Variants in BAHD1 observed in about 807,000 individuals in gnomAD.
The protein encoded by BAHD1 is bromo adjacent homology domain containing 1, also known as bromo adjacent homology domain-containing 1 protein.
In BAHD1, 20 loss-of-function variants were observed where a neutral mutation model predicts 63.1. That is an observed-to-expected ratio of 0.32 (90% confidence interval 0.22 to 0.46). The LOEUF is 0.46. Ranked by LOEUF, BAHD1 falls within the 20% of genes least tolerant of loss-of-function variation. The pLI is 1.00. For synonymous variants in BAHD1, 408 were observed against 426.8 expected, an observed-to-expected ratio of 0.96 and a Z score of 0.54; for missense variants, 939 against 1,071.8, an observed-to-expected ratio of 0.88 and a Z score of 1.73.
At chr15:40,465,545 C>A in intron 6 of BAHD1, 110 bp downstream of exon 6, 1 of 823,756 alleles carries the variant, frequency 1.2e-6, no homozygotes, top group Non-Finnish European at 2.0e-6. Flanking sequence ...TCTACCTGAT[C>A]TTACTCACTG....
At chr15:40,443,528 T>C (rs933539060) in intron 1 of BAHD1, among the ~76,000 whole-genome samples, 2 of 152,138 alleles carry the variant, frequency 1.3e-5, no homozygotes, top group Admixed American at 6.5e-5. Context: ...CAAATAGCAT[T>C]TCCCTCTTTG....
chr15:40,439,492 C>A (rs900712593), upstream of BAHD1, among the ~76,000 whole-genome samples: 3 of 152,214 alleles, frequency 2.0e-5, no homozygotes, highest in Non-Finnish European at 4.4e-5. Context: ...CCCTCCGAAG[C>A]CCCTGGGCCA....
intron 6 of BAHD1, 101 bp downstream of exon 6, chr15:40,465,536 C>G: frequency 1.1e-6 from 1 of 882,758 alleles, no homozygotes; most frequent in South Asian, 1.5e-5. Context: ...ATTCTGCTCT[C>G]TACCTGATCT....
chr15:40,466,266 G>C lies in BAHD1; in HGVS notation c.*136G>C. The C allele has an allele frequency of 4.4e-5, 29 of 654,602 alleles. No homozygotes were observed. Among genetic ancestry groups the C allele is most frequent in the Non-Finnish European group, 3.8e-5 (16 of 416,256 alleles). The allele number at this position is 654,602 out of a possible 1,614,324, so 40.5% of individuals were successfully genotyped here. On this transcript the variant is annotated 3_prime_UTR_variant, in exon 7 of 7. Transcript: ENST00000416165. ...GCCTGTGGTTTTCTTGGGGGGGAGG[G>C]CAGGGGCCCCTGTGGGTTCTGGGCT...
rs529114671 is a variant in BAHD1 at position 40,466,256 on chromosome 15, G to T, written c.*126G>T. ...AAGTTTGCTGGCCTGTGGTTTTCTT[G>T]GGGGGGAGGGCAGGGGCCCCTGTGG... is the stretch of plus-strand genomic sequence containing the variant. On this transcript the variant is annotated 3_prime_UTR_variant, in exon 7 of 7. Coordinates refer to ENST00000416165, the MANE Select transcript of BAHD1 (RefSeq NM_014952.5). 1.3e-5 allele frequency: 11 copies of T among 865,852 alleles called. No individual in the cohort carries two copies. The highest frequency in any genetic ancestry group is 5.7e-5 in the African/African-American group (3 of 52,402). 53.6% of individuals were successfully genotyped at this position (865,852 alleles called of 1,614,324 possible).
chr15:40,438,106 A>G (rs141014161), upstream of BAHD1, among the ~76,000 whole-genome samples: 104 of 152,320 alleles, frequency 6.8e-4, no homozygotes, highest in East Asian at 0.018. Flanking sequence ...GCTGCCAAAC[A>G]TACCAGGGAG....
At chr15:40,447,604 AAATAAAT>A (rs1156897108) in intron 1 of BAHD1, among the ~76,000 whole-genome samples, 4 of 110,774 alleles carry the variant, frequency 3.6e-5, no homozygotes, top group South Asian at 3.2e-4. Context: ...ATAAATAAAT[AAATAAAT>A]AAAAATAAAA....
rs566188832 is a variant in BAHD1 at position 40,459,442 on chromosome 15, G to A, written c.978G>A (p.Pro326=). 42 of 1,613,456 alleles carry A rather than the reference G, an allele frequency of 2.6e-5. No homozygotes were observed. The highest frequency in any genetic ancestry group is 3.3e-4 in the Middle Eastern group (2 of 6,062). Residue 326 remains proline, a synonymous_variant, in exon 2 of 7, where the codon CCG becomes CCA. Coordinates refer to ENST00000416165, the MANE Select transcript of BAHD1 (RefSeq NM_014952.5). ...TGGGTGGACAGGCGGCTCTGAAGCC[G>A]GAGCCTGGGCGCCCAGGCGAGGAGT... ...LLMGGQAALK[P]EPGRPGEESP...
Position 40,462,009 on chromosome 15 carries a change from T to A in BAHD1, c.1530T>A (p.Ser510Arg). 6.2e-7 allele frequency: 1 copy of A among 1,613,788 alleles called. No individual in the cohort carries two copies. Among genetic ancestry groups the A allele is most frequent in the Non-Finnish European group, 8.5e-7 (1 of 1,179,976 alleles). Reference sequence around the variant, plus strand: ...CACTCCTGGGGTGCCCTGTACCCAGTGTGCCACCTGCAGCAGAGCCCGTCC... The same window carrying A: ...CACTCCTGGGGTGCCCTGTACCCAGAGTGCCACCTGCAGCAGAGCCCGTCC... ...AHPLLGCPVP[S>R]VPPAAEPVPH... is the part of the protein sequence containing the mutation. Residue 510 changes from serine to arginine, a missense_variant, in exon 3 of 7, where the codon AGT becomes AGA. Ser to Arg is a moderately radical substitution (Grantham distance 110, BLOSUM62 -1). This residue lies in a region of BAHD1 where 797 missense variants were observed against 813.3 expected (regional missense o/e 0.98). Transcript: ENST00000416165.
At chr15:40,465,838 A>G (rs1012277649) in intron 6 of BAHD1, 103 bp from the exon 7 acceptor site, 90 of 1,230,254 alleles carry the variant, frequency 7.3e-5, no homozygotes, top group Middle Eastern at 2.2e-4. Context: ...TTGGGGAGCT[A>G]GGATAGCCTA....
chr15:40,442,246 C>G (rs1893424615), intron 1 of BAHD1, among the ~76,000 whole-genome samples: 1 of 151,848 alleles, frequency 6.6e-6, no homozygotes, highest in South Asian at 2.1e-4. Flanking sequence ...GGAGCGGGTC[C>G]GAGGCACCCA....
chr15:40,462,648 A>G (rs1894086696), intron 3 of BAHD1, among the ~76,000 whole-genome samples: 1 of 152,122 alleles, frequency 6.6e-6, no homozygotes, highest in African/African-American at 2.4e-5. Flanking sequence ...AAGTCTATAT[A>G]GGGGGCGTTG....
rs749400262 is a variant in BAHD1, at chr15:40,459,792, A to G, written c.1328A>G (p.Asp443Gly). ...WGSSRYCSSE[D>G]TGVNGYSICG... ...TCCTCTCGCTACTGCTCTAGCGAGG[A>G]CACTGGAGTGAATGGCTACAGCATC... Residue 443 changes from aspartate to glycine, a missense_variant, in exon 2 of 7, where the codon GAC becomes GGC. Around this residue, in one of 5 missense-constraint regions of BAHD1, gnomAD observed 797 missense variants for 813.3 expected, o/e 0.98. Transcript: ENST00000416165. 3.1e-6 allele frequency: 5 copies of G among 1,613,774 alleles called. No homozygotes were observed. The South Asian group carries it at 5.5e-5, about 18-fold the overall frequency.
intron 1 of BAHD1, among the ~76,000 whole-genome samples, chr15:40,448,025 C>T (rs762666955): frequency 2.0e-5 from 3 of 152,050 alleles, no homozygotes; most frequent in Non-Finnish European, 4.4e-5. Flanking sequence ...AGGCGGATCA[C>T]GAGGTCAGGA....
chr15:40,459,293 G>A lies in BAHD1; in HGVS notation c.829G>A (p.Gly277Ser). 1 of 1,613,014 alleles carries A rather than the reference G, an allele frequency of 6.2e-7. No individual in the cohort carries two copies. The highest frequency in any genetic ancestry group is 8.5e-7 in the Non-Finnish European group (1 of 1,180,028). Residue 277 changes from glycine to serine, a missense_variant, in exon 2 of 7, where the codon GGC becomes AGC. Coordinates refer to ENST00000416165, the MANE Select transcript of BAHD1 (RefSeq NM_014952.5). ...GGCTGCAGGCCCACCTGGCTGGCAA[G>A]GCTGCCCTGATGAACCATGGCCATC... is the stretch of plus-strand genomic sequence containing the variant. ...GEAAGPPGWQ[G>S]CPDEPWPSAT...
At position 40,462,128 on chromosome 15, in the gene BAHD1, G is replaced by C; in HGVS notation, c.1649G>C (p.Arg550Pro). 1 of 1,612,494 alleles carries C rather than the reference G, an allele frequency of 6.2e-7. No individual in the cohort carries two copies. Among genetic ancestry groups the C allele is most frequent in the Non-Finnish European group, 8.5e-7 (1 of 1,179,984 alleles). ...KPPSGSKSGLRTGSSCRHTAR... is the reference protein window; with the variant it reads ...KPPSGSKSGLPTGSSCRHTAR... Reference sequence around the variant, plus strand: ...CCCAGCGGTTCTAAGTCAGGTCTGCGCACAGGCTCCAGCTGCAGGCACACT... The same window carrying C: ...CCCAGCGGTTCTAAGTCAGGTCTGCCCACAGGCTCCAGCTGCAGGCACACT... The change falls in exon 3 of 7, where the codon CGC becomes CCC. Residue 550 changes from arginine (R) to proline (P), a missense_variant. Coordinates refer to ENST00000416165, the MANE Select transcript of BAHD1 (RefSeq NM_014952.5).
In BAHD1 at chr15:40,467,219, G is replaced by A. The variant is rs556869064; in HGVS notation, c.*1089G>A. 1 of 152,986 alleles carries A rather than the reference G, an allele frequency of 6.5e-6. No individual in the cohort carries two copies. The highest frequency in any genetic ancestry group is 2.4e-5 in the African/African-American group (1 of 41,596). The allele number at this position is 152,986 out of a possible 1,614,324, so 9.5% of individuals were successfully genotyped here. On this transcript the variant is annotated 3_prime_UTR_variant, in exon 7 of 7. Transcript: ENST00000416165. ...ATTTTCAGTTTGTTCCTGTTGCCCA[G>A]AGGCCCTGTTCTCACCTCATGCTGC...
At chr15:40,460,183 C>T (rs979457249) in intron 2 of BAHD1, among the ~76,000 whole-genome samples, 1 of 152,194 alleles carries the variant, frequency 6.6e-6, no homozygotes, top group Admixed American at 6.5e-5. Context: ...ACAGGAAGGC[C>T]TCTCTTCTCT....
chr15:40,453,630 G>C (rs1239277037), intron 1 of BAHD1: 2 of 152,124 alleles, frequency 1.3e-5, no homozygotes, highest in Non-Finnish European at 2.9e-5. Context: ...CTTATCTAAG[G>C]CTCCCCTGAA....
Sources: allele counts gnomAD v4.1 joint callset (sites outside exome capture counted in the v4.1 genomes callset), GRCh38; gene constraint gnomAD v4.1.1; regional missense constraint gnomAD v4.1.1; transcripts MANE v1.5; gene names NCBI Gene and HGNC (gene_info 2026-07-23, HGNC 2026-07-21).